The following LINGO1 variants were observed in gnomAD, a reference collection of about 807,000 sequenced individuals.
The protein encoded by LINGO1 is leucine-rich repeat and immunoglobulin-like domain-containing nogo receptor-interacting protein 1.
A neutral mutation model predicts 37.3 loss-of-function variants in LINGO1; 11 were observed. That is an observed-to-expected ratio of 0.29 (90% confidence interval 0.19 to 0.49). The LOEUF (loss-of-function observed/expected upper bound fraction) is 0.49, where lower values mean the gene tolerates loss of function less well. Among genes scored for constraint, LINGO1 ranks in the 20% least tolerant of loss-of-function variants. LINGO1 has a pLI of 0.99. For missense variants in LINGO1, 585 were observed against 878.2 expected, an observed-to-expected ratio of 0.67 and a Z score of 4.22; for synonymous variants, 387 against 403.0, an observed-to-expected ratio of 0.96 and a Z score of 0.48.
intron 3 of LINGO1, among the ~76,000 whole-genome samples, chr15:77,663,783 C>A (rs930109081): frequency 1.3e-5 from 2 of 152,154 alleles, no homozygotes; most frequent in African/African-American, 4.8e-5. Context: ...GCTGAAGGGT[C>A]GAGTGGGGGA....
chr15:77,750,204 C>T (rs904904535), intron 1 of LINGO1, among the ~76,000 whole-genome samples: 1 of 152,110 alleles, frequency 6.6e-6, no homozygotes, highest in African/African-American at 2.4e-5. Flanking sequence ...GAGCTGGGCC[C>T]ACCCCAGGGT....
intron 1 of LINGO1, among the ~76,000 whole-genome samples, chr15:77,759,166 C>T (rs1319079005): frequency 6.6e-6 from 1 of 152,240 alleles, no homozygotes; most frequent in East Asian, 1.9e-4. Context: ...CATGTGTGTG[C>T]AGCCACCCAT....
At chr15:77,700,299 AG>A (rs1204896806), upstream of LINGO1, among the ~76,000 whole-genome samples, 1 of 152,196 alleles carries the variant, frequency 6.6e-6, no homozygotes, top group African/African-American at 2.4e-5. Flanking sequence ...AACTGAAAAA[AG>A]TCAAAAGAAG....
chr15:77,697,459 G>A (rs977067919), upstream of LINGO1, among the ~76,000 whole-genome samples: 2 of 152,122 alleles, frequency 1.3e-5, no homozygotes, highest in African/African-American at 4.8e-5. Flanking sequence ...ACACAGAAAG[G>A]AGGCCAACTC....
At chr15:77,622,710 T>C (rs2073961170) in intron 1 of LINGO1, among the ~76,000 whole-genome samples, 1 of 151,856 alleles carries the variant, frequency 6.6e-6, no homozygotes, top group Non-Finnish European at 1.5e-5. Flanking sequence ...TGGCCAGGAG[T>C]GGGGGCGCAG....
intron 2 of LINGO1, among the ~76,000 whole-genome samples, chr15:77,711,457 T>C (rs1304733905): frequency 6.6e-6 from 1 of 152,160 alleles, no homozygotes; most frequent in African/African-American, 2.4e-5. Flanking sequence ...AACTTCCAAG[T>C]AGGCCTGAGG....
chr15:77,645,532 C>A (rs1297957451), intron 3 of LINGO1, among the ~76,000 whole-genome samples: 3 of 152,222 alleles, frequency 2.0e-5, no homozygotes, highest in Non-Finnish European at 2.9e-5. Context: ...AGATAAATGC[C>A]AGCTAATGCC....
Position 77,645,697 on chromosome 15 carries a change from C to T in LINGO1, c.-12-29797G>A, listed in dbSNP as rs527423463. On this transcript the variant is annotated intron_variant, in intron 3 of 3. Transcript: ENST00000559893. ...CACTCTGCATCCCATACACGTCTTC[C>T]CAGTCCCACCAGAGAGCTGGCTCCA... Among the ~76,000 whole-genome samples the T allele has an allele frequency of 1.8e-4, 27 of 152,340 alleles. No homozygotes were observed. In the South Asian group the frequency reaches 3.5e-3, roughly 20 times the overall value.
intron 1 of LINGO1, among the ~76,000 whole-genome samples, chr15:77,751,020 G>A (rs555980745): frequency 6.6e-6 from 1 of 152,272 alleles, no homozygotes; most frequent in African/African-American, 2.4e-5. Flanking sequence ...AGCGTGGAGG[G>A]TATTCCGCGG....
intron 1 of LINGO1, among the ~76,000 whole-genome samples, chr15:77,806,316 A>G (rs1056026442): frequency 4.6e-5 from 7 of 151,940 alleles, no homozygotes; most frequent in Non-Finnish European, 8.8e-5. Flanking sequence ...TTTATTTTCT[A>G]TCATTAATGG....
At chr15:77,701,250 C>T (rs2075778929), upstream of LINGO1, among the ~76,000 whole-genome samples, 1 of 152,054 alleles carries the variant, frequency 6.6e-6, no homozygotes, top group African/African-American at 2.4e-5. Context: ...CCTGGGGGGT[C>T]TTTTTGGGGG....
chr15:77,774,399 G>A (rs922127473), intron 1 of LINGO1, among the ~76,000 whole-genome samples: 1 of 151,980 alleles, frequency 6.6e-6, no homozygotes, highest in African/African-American at 2.4e-5. Flanking sequence ...CCTCAGAATC[G>A]AGAAGCAGCC....
At chr15:77,638,696 A>G (rs1596028444), upstream of LINGO1, among the ~76,000 whole-genome samples, 1 of 152,344 alleles carries the variant, frequency 6.6e-6, no homozygotes, top group Non-Finnish European at 1.5e-5. Flanking sequence ...CATCAGGGCC[A>G]GGCAGTCTTG....
At chr15:77,820,858 T>G (rs2077090297), upstream of LINGO1, 1 of 152,456 alleles carries the variant, frequency 6.6e-6, no homozygotes, top group South Asian at 2.1e-4. Flanking sequence ...CTGGTCTGCC[T>G]CCTCCTTCCA....
At chr15:77,748,052 T>C (rs1276220058) in intron 1 of LINGO1, among the ~76,000 whole-genome samples, 1 of 152,212 alleles carries the variant, frequency 6.6e-6, no homozygotes, top group Non-Finnish European at 1.5e-5. Context: ...AAAGCCAACC[T>C]TTCCCCTTCC....
chr15:77,743,923 T>A (rs947948018), intron 1 of LINGO1, among the ~76,000 whole-genome samples: 11 of 152,186 alleles, frequency 7.2e-5, no homozygotes, highest in Admixed American at 1.3e-4. Flanking sequence ...CCTCCCTGCC[T>A]TCATTTATTG....
At chr15:77,697,640 A>C (rs770802011), upstream of LINGO1, among the ~76,000 whole-genome samples, 7 of 152,176 alleles carry the variant, frequency 4.6e-5, no homozygotes, top group African/African-American at 1.2e-4. Context: ...TTAAGGGTAC[A>C]AACACCCTGA....
intron 1 of LINGO1, among the ~76,000 whole-genome samples, chr15:77,756,862 A>G (rs1466464115): frequency 1.3e-5 from 2 of 152,052 alleles, no homozygotes; most frequent in African/African-American, 4.8e-5. Context: ...CCGCCCCCCA[A>G]TGCCAACGTG....
At chr15:77,706,155 G>A (rs537476338) in intron 2 of LINGO1, among the ~76,000 whole-genome samples, 72 of 152,118 alleles carry the variant, frequency 4.7e-4, no homozygotes, top group Middle Eastern at 3.4e-3. Flanking sequence ...ATCGTTCCTC[G>A]TCCCCAAACC....
Sources: allele counts gnomAD v4.1 joint callset (sites outside exome capture counted in the v4.1 genomes callset), GRCh38; gene constraint gnomAD v4.1.1; transcripts MANE v1.5; gene names NCBI Gene and HGNC (gene_info 2026-07-23, HGNC 2026-07-21).